PHLDA3: variants seen among roughly 807,000 people sequenced by gnomAD.
The protein encoded by PHLDA3 is pleckstrin homology-like domain family A member 3.
In PHLDA3, 12 loss-of-function variants were observed where a neutral mutation model predicts 7.6. The observed-to-expected ratio is 1.58, with a 90% CI of 1.01 to 2.55. PHLDA3 has a LOEUF of 2.55. Among genes scored for constraint, PHLDA3 ranks in the 30% most tolerant of loss-of-function variants. PHLDA3 has a pLI of 0.00. For synonymous variants in PHLDA3, 104 were observed against 85.1 expected, an observed-to-expected ratio of 1.22 and a Z score of -1.23; for missense variants, 177 against 175.6, an observed-to-expected ratio of 1.01 and a Z score of -0.05.
intron 1 of PHLDA3, chr1:201,467,648 AC>A (rs2102393803): frequency 8.5e-6 from 1 of 118,056 alleles, no homozygotes; most frequent in African/African-American, 3.5e-5. Context: ...ATACACACAC[AC>A]ACACACACAC....
intron 1 of PHLDA3, chr1:201,467,639 T>TACACAC (rs56225084): frequency 0.069 from 9,654 of 139,762 alleles, 459 homozygotes; most frequent in East Asian, 0.21. Flanking sequence ...CAACAAACCA[T>TACACAC]ACACACACAC....
Position 201,468,324 on chromosome 1 carries a change from G to T in PHLDA3, c.*62+17C>A. 1.3e-6 allele frequency: 2 copies of T among 1,499,804 alleles called. No homozygotes were observed. The highest frequency in any genetic ancestry group is 1.8e-6 in the Non-Finnish European group (2 of 1,093,404). 92.9% of individuals were successfully genotyped at this position (1,499,804 alleles called of 1,614,324 possible). On this transcript the variant is annotated intron_variant, in intron 1 of 1. Coordinates refer to ENST00000367311, the MANE Select transcript of PHLDA3 (RefSeq NM_012396.5). ...GGAGGGAAGGAGAGAAGAGGGCCCA[G>T]TCCCCCGGGGGCTTACCTGCCTTGA...
chr1:201,465,096 G>C lies in PHLDA3; in HGVS notation c.*1145C>G, dbSNP rs1288576438. The C allele has an allele frequency of 6.6e-6, 1 of 152,258 alleles. No individual in the cohort carries two copies. Among genetic ancestry groups the C allele is most frequent in the African/African-American group, 2.4e-5 (1 of 41,442 alleles). 9.4% of individuals were successfully genotyped at this position (152,258 alleles called of 1,614,324 possible). On this transcript the variant is annotated 3_prime_UTR_variant, in exon 2 of 2. Coordinates refer to ENST00000367311, the MANE Select transcript of PHLDA3 (RefSeq NM_012396.5). ...CAAAGTCCTTGGATTACAGTTGTGA[G>C]CCACCGTGCCAGGCCTTCACCCTGT...
intron 1 of PHLDA3, among the ~76,000 whole-genome samples, chr1:201,467,784 G>A (rs1017270308): frequency 6.6e-6 from 1 of 152,144 alleles, no homozygotes; most frequent in Non-Finnish European, 1.5e-5. Flanking sequence ...CGGACTCCTT[G>A]GCTCTATTTG....
chr1:201,468,340 C>T lies in PHLDA3; in HGVS notation c.*62+1G>A. The T allele has an allele frequency of 6.3e-7, 1 of 1,585,210 alleles. No individual in the cohort carries two copies. The highest frequency in any genetic ancestry group is 1.8e-5 in the Admixed American group (1 of 54,160). On this transcript the variant is annotated splice_donor_variant, in intron 1 of 1. Transcript: ENST00000367311. LOFTEE classifies it low-confidence loss of function (3UTR_SPLICE). ...GAGGGCCCAGTCCCCCGGGGGCTTA[C>T]CTGCCTTGACCTCAGCACTGAGGTG...
Position 201,468,394 on chromosome 1 carries a change from C to G in PHLDA3, c.*9G>C. 1.9e-6 allele frequency: 3 copies of G among 1,613,868 alleles called. No homozygotes were observed. The highest frequency in any genetic ancestry group is 2.5e-6 in the Non-Finnish European group (3 of 1,179,944). On this transcript the variant is annotated 3_prime_UTR_variant, in exon 1 of 2. Coordinates refer to ENST00000367311, the MANE Select transcript of PHLDA3 (RefSeq NM_012396.5). ...GGTAGCATGAAGGAAAGATGGTGCG[C>G]CCGGTGGTTTAGGACACGAGGGTCC...
At position 201,468,385 on chromosome 1, in the gene PHLDA3, G is replaced by A; in HGVS notation, c.*18C>T. The A allele has an allele frequency of 3.7e-6, 6 of 1,613,600 alleles. No homozygotes were observed. Among genetic ancestry groups the A allele is most frequent in the East Asian group, 2.2e-5 (1 of 44,876 alleles). Reference sequence around the variant, plus strand: ...GAGGTGGTGGGTAGCATGAAGGAAAGATGGTGCGCCCGGTGGTTTAGGACA... The same window carrying A: ...GAGGTGGTGGGTAGCATGAAGGAAAAATGGTGCGCCCGGTGGTTTAGGACA... On this transcript the variant is annotated 3_prime_UTR_variant, in exon 1 of 2. Transcript: ENST00000367311.
chr1:201,469,171 A>C lies in PHLDA3; in HGVS notation c.-385T>G. The stretch of plus-strand genomic sequence containing the variant: ...GGCAGCTCGCGGGATGTGCCCTTAC[A>C]TGTTCCGCCGCTCGCCTCCTGCGCC... On this transcript the variant is annotated 5_prime_UTR_variant, in exon 1 of 2. An upstream start codon of the reference 5' UTR is lost. Transcript: ENST00000367311. 3.3e-5 allele frequency: 6 copies of C among 179,166 alleles called. No homozygotes were observed. Among genetic ancestry groups the C allele is most frequent in the Non-Finnish European group, 5.8e-5 (5 of 86,320 alleles). The allele number at this position is 179,166 out of a possible 1,614,324, so 11.1% of individuals were successfully genotyped here. A position where few individuals can be genotyped will look rare whatever the true frequency, so the allele number is the denominator to read the frequency against.
chr1:201,468,626 CT>C lies in PHLDA3; in HGVS notation c.160del (p.Ser54AlafsTer23), dbSNP rs1235164986. ...CTCCACGGCCTTGATGCGGGCGAAG[CT>C]GAGCTCCTTGGGCCGGCCGCCCGTG... The part of the protein sequence containing the change: ...KGTGGRPKEL[S>X]FARIKAVECV... On this transcript the variant is annotated frameshift_variant, in exon 1 of 2. Transcript: ENST00000367311. LOFTEE classifies it high-confidence loss of function. The C allele has an allele frequency of 6.2e-7, 1 of 1,613,458 alleles. No individual in the cohort carries two copies. The highest frequency in any genetic ancestry group is 8.5e-7 in the Non-Finnish European group (1 of 1,179,978).
chr1:201,468,879 C>A lies in PHLDA3; in HGVS notation c.-93G>T. The A allele has an allele frequency of 7.5e-7, 1 of 1,330,716 alleles. No individual in the cohort carries two copies. Among genetic ancestry groups the A allele is most frequent in the Non-Finnish European group, 9.7e-7 (1 of 1,035,142 alleles). The allele number at this position is 1,330,716 out of a possible 1,614,324, so 82.4% of individuals were successfully genotyped here. A position where few individuals can be genotyped will look rare whatever the true frequency, so the allele number is the denominator to read the frequency against. On this transcript the variant is annotated 5_prime_UTR_variant, in exon 1 of 2. Transcript: ENST00000367311. ...GCAGGATTCTGGCGCCCCGGGCTGG[C>A]AGGCCGTGCGCGCTGCCCACCTGCG...
In PHLDA3 at chr1:201,465,978, G is replaced by A. The variant is rs959824249; in HGVS notation, c.*263C>T. ...CCATATGAGGCCAGGCCTGTGGCTC[G>A]AAGCCCCTGAGCTGGGCATGTCCTG... On this transcript the variant is annotated 3_prime_UTR_variant, in exon 2 of 2. Transcript: ENST00000367311. 5 of 154,884 alleles carry A rather than the reference G, an allele frequency of 3.2e-5. No individual in the cohort carries two copies. The highest frequency in any genetic ancestry group is 1.3e-4 in the Admixed American group (2 of 15,286). 9.6% of individuals were successfully genotyped at this position (154,884 alleles called of 1,614,324 possible). A position where few individuals can be genotyped will look rare whatever the true frequency, so the allele number is the denominator to read the frequency against.
rs1663631126 is a variant in PHLDA3 at position 201,465,202 on chromosome 1, G to A, written c.*1039C>T. 1 of 152,236 alleles carries A rather than the reference G, an allele frequency of 6.6e-6. No homozygotes were observed. Among genetic ancestry groups the A allele is most frequent in the Admixed American group, 6.5e-5 (1 of 15,268 alleles). 9.4% of individuals were successfully genotyped at this position (152,236 alleles called of 1,614,324 possible). A position where few individuals can be genotyped will look rare whatever the true frequency, so the allele number is the denominator to read the frequency against. On this transcript the variant is annotated 3_prime_UTR_variant, in exon 2 of 2. Transcript: ENST00000367311. ...AGCCTGAGAGTATAAATGACAGGGA[G>A]ACAAACTCTGCCCAGAAAGCTGAGG...
chr1:201,467,782 T>C (rs1663706943), intron 1 of PHLDA3, among the ~76,000 whole-genome samples: 1 of 152,200 alleles, frequency 6.6e-6, no homozygotes, highest in Admixed American at 6.5e-5. Flanking sequence ...GCCGGACTCC[T>C]TGGCTCTATT....
rs958468861 is a variant in PHLDA3 at position 201,464,663 on chromosome 1, G to C, written c.*1578C>G. The C allele has an allele frequency of 1.3e-5, 2 of 152,270 alleles. No individual in the cohort carries two copies. Among genetic ancestry groups the C allele is most frequent in the African/African-American group, 2.4e-5 (1 of 41,456 alleles). 9.4% of individuals were successfully genotyped at this position (152,270 alleles called of 1,614,324 possible). On this transcript the variant is annotated 3_prime_UTR_variant, in exon 2 of 2. Coordinates refer to ENST00000367311, the MANE Select transcript of PHLDA3 (RefSeq NM_012396.5). ...AGACCCTGTAGTAGGCCACTGCTTTGCAACAGGGAAGGTCAGACATGGGAA... is the reference window on the plus strand; with the variant it reads ...AGACCCTGTAGTAGGCCACTGCTTTCCAACAGGGAAGGTCAGACATGGGAA...
intron 1 of PHLDA3, 119 bp from the exon 2 acceptor site, chr1:201,466,297 TTTTG>T (rs1225921484): frequency 3.3e-4 from 50 of 152,326 alleles, no homozygotes; most frequent in African/African-American, 1.2e-3. Flanking sequence ...GGAAAACATT[TTTTG>T]CATACGTACT....
At position 201,468,997 on chromosome 1, in the gene PHLDA3, C is replaced by A; in HGVS notation, c.-211G>T. 2 of 470,656 alleles carry A rather than the reference C, an allele frequency of 4.2e-6. No homozygotes were observed. The highest frequency in any genetic ancestry group is 4.0e-5 in the East Asian group (1 of 24,786). 29.2% of individuals were successfully genotyped at this position (470,656 alleles called of 1,614,324 possible). A position where few individuals can be genotyped will look rare whatever the true frequency, so the allele number is the denominator to read the frequency against. ...CCCCCAGCGCGCTCCGCGCCCACCG[C>A]CCCGCTTCAGCCGGCACCCGCTCCT... On this transcript the variant is annotated 5_prime_UTR_variant, in exon 1 of 2. Coordinates refer to ENST00000367311, the MANE Select transcript of PHLDA3 (RefSeq NM_012396.5).
At chr1:201,468,283 G>A (rs1298074546) in intron 1 of PHLDA3, 58 bp downstream of exon 1, 3 of 1,161,252 alleles carry the variant, frequency 2.6e-6, no homozygotes, top group East Asian at 4.8e-5. Flanking sequence ...CATTCTCTCT[G>A]TAGGGGAAAG....
chr1:201,466,714 C>T (rs138090486), intron 1 of PHLDA3: 1,955 of 152,338 alleles, frequency 0.013, 44 homozygotes, highest in African/African-American at 0.044. Context: ...CCTGGCCCCT[C>T]CCCTGGGCCT....
At position 201,468,635 on chromosome 1, in the gene PHLDA3, T is replaced by C. The variant is rs1269034915; in HGVS notation, c.152A>G (p.Lys51Arg). 1 of 1,613,280 alleles carries C rather than the reference T, an allele frequency of 6.2e-7. No individual in the cohort carries two copies. The highest frequency in any genetic ancestry group is 1.7e-5 in the Admixed American group (1 of 60,010). Reference sequence around the variant, plus strand: ...CTTGATGCGGGCGAAGCTGAGCTCCTTGGGCCGGCCGCCCGTGCCCTTGGC... The same window carrying C: ...CTTGATGCGGGCGAAGCTGAGCTCCCTGGGCCGGCCGCCCGTGCCCTTGGC... Reference protein sequence around the residue: ...FEAKGTGGRPKELSFARIKAV... With the variant: ...FEAKGTGGRPRELSFARIKAV... Residue 51 changes from lysine (K) to arginine (R), a missense_variant, in exon 1 of 2, where the codon AAG (lysine) becomes AGG (arginine). Lys to Arg is a conservative substitution (Grantham distance 26). Transcript: ENST00000367311.
Sources: allele counts gnomAD v4.1 joint callset (sites outside exome capture counted in the v4.1 genomes callset), GRCh38; gene constraint gnomAD v4.1.1; transcripts MANE v1.5; gene names NCBI Gene and HGNC (gene_info 2026-07-23, HGNC 2026-07-21).